The following SRCIN1 variants were observed in gnomAD, a reference collection of about 807,000 sequenced individuals.
SRCIN1 encodes the protein P130Cas-associated protein.
A neutral mutation model predicts 116.2 loss-of-function variants in SRCIN1; 50 were observed. The ratio of observed to expected loss-of-function variants is 0.43; its 90% confidence interval spans 0.34 to 0.54. The LOEUF (loss-of-function observed/expected upper bound fraction) is 0.54, where lower values mean the gene tolerates loss of function less well. Among genes scored for constraint, SRCIN1 ranks in the 20% least tolerant of loss-of-function variants. The pLI is 0.02. For synonymous variants in SRCIN1, 736 were observed against 750.0 expected (o/e 0.98, Z 0.30); for missense variants, 1,446 against 1,672.0 (o/e 0.86, Z 2.36).
rs372087560 is a variant in SRCIN1, at chr17:38,578,655, G to A, written c.159C>T (p.Ser53=). The change falls in exon 2 of 19, where the codon TCC becomes TCT. Residue 53 remains serine, a synonymous_variant. Coordinates refer to ENST00000617146, the MANE Select transcript of SRCIN1 (RefSeq NM_025248.3). ...CCGCGATCACCGTGTGCCGCCGCTC[G>A]GACGTGTGCACCAGCCCCACGTTGG... The part of the protein sequence containing the change: ...RFSNVGLVHT[S]ERRHTVIAAQ... 3 of 1,583,560 alleles carry A rather than the reference G, an allele frequency of 1.9e-6. No individual in the cohort carries two copies. The highest frequency in any genetic ancestry group is 2.6e-6 in the Non-Finnish European group (3 of 1,166,228).
rs921191457 is a variant in SRCIN1 at position 38,561,710 on chromosome 17, G to A, written c.1453C>T (p.Pro485Ser). 6.5e-7 allele frequency: 1 copy of A among 1,537,204 alleles called. No individual in the cohort carries two copies. Residue 485 changes from proline (P) to serine (S), a missense_variant, in exon 7 of 19, where the codon CCC becomes TCC. By Grantham distance (74) the Pro-to-Ser change is moderately conservative (BLOSUM62 -1). Coordinates refer to ENST00000617146, the MANE Select transcript of SRCIN1 (RefSeq NM_025248.3). ...CTGTGCGGTGGCGGGGGACCTCCGG[G>A]GGGTGCTGCCACGTCGGCCAGCTTC... ...PQKLADVAAP[P>S]GGPPPPHSPY...
At chr17:38,580,906 G>A (rs1444291873) in intron 1 of SRCIN1, among the ~76,000 whole-genome samples, 4 of 152,162 alleles carry the variant, frequency 2.6e-5, no homozygotes, top group Non-Finnish European at 5.9e-5. Flanking sequence ...TGTGATCATA[G>A]CTCACTGCAG....
chr17:38,578,392 G>C (rs994001973), intron 2 of SRCIN1, 98 bp downstream of exon 2: 14 of 1,386,466 alleles, frequency 1.0e-5, no homozygotes, highest in Middle Eastern at 4.8e-4. Flanking sequence ...GCCTCCCAGA[G>C]TTGGAATGAG....
In SRCIN1 at chr17:38,602,269, T is replaced by C. The variant is rs1239001968; in HGVS notation, c.22+3415A>G. ...CCAAATCCGAAGCCTTCATCTCCGC[T>C]ACTCAGAGCTTGGAATGAAAGAAGG... On this transcript the variant is annotated intron_variant, in intron 1 of 18. Transcript: ENST00000617146. This position sits in a 1 kb window ranked among gnomAD's most constrained non-coding sequence, Gnocchi z 4.2. The C allele has an allele frequency of 6.6e-6, 1 of 152,182 alleles. No individual in the cohort carries two copies. The highest frequency in any genetic ancestry group is 1.5e-5 in the Non-Finnish European group (1 of 68,044). 9.4% of individuals were successfully genotyped at this position (152,182 alleles called of 1,614,324 possible). A position where few individuals can be genotyped will look rare whatever the true frequency, so the allele number is the denominator to read the frequency against.
At position 38,583,554 on chromosome 17, in the gene SRCIN1, T is replaced by TG. The variant is rs200882616; in HGVS notation, c.23-4764_23-4763insC. Among the ~76,000 whole-genome samples, 119 of 85,426 alleles carry TG rather than the reference T, an allele frequency of 1.4e-3. 1 individual carries two copies. The highest frequency in any genetic ancestry group is 6.5e-3 in the African/African-American group (76 of 11,700). The allele number at this position is 85,426 out of a possible 152,430, so 56.0% of individuals were successfully genotyped here. A position where few individuals can be genotyped will look rare whatever the true frequency, so the allele number is the denominator to read the frequency against. On this transcript the variant is annotated intron_variant, in intron 1 of 18. Transcript: ENST00000617146. ...TTTCTTTTTTTCATTTTCTGTTTTT[T>TG]TTTTTTTTTTTTTTTTGAGACAGAG...
Position 38,562,936 on chromosome 17 carries a change from A to C in SRCIN1, c.741-16T>G. ...CTGGATGTCCCTGGGAGAGGCGGGG[A>C]GACGGGGGTCACCACCCATCCCCCA... On this transcript the variant is annotated splice_polypyrimidine_tract_variant and intron_variant, in intron 5 of 18. Transcript: ENST00000617146. The surrounding 1 kb of genome is among the most constrained non-coding windows in gnomAD (Gnocchi z 4.2). The C allele has an allele frequency of 2.5e-6, 4 of 1,596,682 alleles. No individual in the cohort carries two copies. The highest frequency in any genetic ancestry group is 3.4e-6 in the Non-Finnish European group (4 of 1,167,398).
chr17:38,547,499 G>T (rs992966418), intron 17 of SRCIN1, among the ~76,000 whole-genome samples: 5 of 152,138 alleles, frequency 3.3e-5, no homozygotes, highest in African/African-American at 1.2e-4. Flanking sequence ...AGAAAATGCA[G>T]ACACAAGGGG....
At position 38,605,736 on chromosome 17, in the gene SRCIN1, G is replaced by C; in HGVS notation, c.-31C>G. ...GGGGGCGCGGGGGGCGGGGGCCCCGGGCCGGCCTGCCTGGCGCTCGCCCTC... is the reference window on the plus strand; with the variant it reads ...GGGGGCGCGGGGGGCGGGGGCCCCGCGCCGGCCTGCCTGGCGCTCGCCCTC... On this transcript the variant is annotated 5_prime_UTR_variant, in exon 1 of 19. Coordinates refer to ENST00000617146, the MANE Select transcript of SRCIN1 (RefSeq NM_025248.3). 1 of 1,124,054 alleles carries C rather than the reference G, an allele frequency of 8.9e-7. No individual in the cohort carries two copies. Among genetic ancestry groups the C allele is most frequent in the Non-Finnish European group, 1.1e-6 (1 of 904,228 alleles). 69.6% of individuals were successfully genotyped at this position (1,124,054 alleles called of 1,614,324 possible).
Position 38,572,459 on chromosome 17 carries a change from T to G in SRCIN1, c.325-4228A>C, listed in dbSNP as rs892249747. Among the ~76,000 whole-genome samples, 1 of 151,956 alleles carries G rather than the reference T, an allele frequency of 6.6e-6. No homozygotes were observed. Among genetic ancestry groups the G allele is most frequent in the Non-Finnish European group, 1.5e-5 (1 of 67,972 alleles). On this transcript the variant is annotated intron_variant, in intron 2 of 18. Coordinates refer to ENST00000617146, the MANE Select transcript of SRCIN1 (RefSeq NM_025248.3). This position sits in a 1 kb window ranked among gnomAD's most constrained non-coding sequence, Gnocchi z 4.3. ...TGGGGGAGGGGGCGCCAGCCTGATTTTGGAGTGGGGGCCGGCCCACGCCGA... is the reference window on the plus strand; with the variant it reads ...TGGGGGAGGGGGCGCCAGCCTGATTGTGGAGTGGGGGCCGGCCCACGCCGA...
At chr17:38,548,815 TCTG>T in intron 16 of SRCIN1, 106 bp from the exon 17 acceptor site, 1 of 1,412,812 alleles carries the variant, frequency 7.1e-7, no homozygotes, top group Non-Finnish European at 9.3e-7. Flanking sequence ...GTCTGCTACT[TCTG>T]CTGCTACACC....
At chr17:38,543,721 G>C (rs529509449) in intron 18 of SRCIN1, 102 bp downstream of exon 18, 215 of 1,477,188 alleles carry the variant, frequency 1.5e-4, no homozygotes, top group Non-Finnish European at 1.7e-4. Context: ...GAAGAGGTTG[G>C]GAAAGCTGGT....
intron 1 of SRCIN1, among the ~76,000 whole-genome samples, chr17:38,586,683 C>T (rs1033470742): frequency 1.5e-4 from 23 of 152,198 alleles, no homozygotes; most frequent in African/African-American, 4.8e-5. Context: ...GATGATGGAG[C>T]CCTGGAGGGA....
At chr17:38,554,022 C>G (rs1220914638) in intron 11 of SRCIN1, among the ~76,000 whole-genome samples, 1 of 152,144 alleles carries the variant, frequency 6.6e-6, no homozygotes, top group Non-Finnish European at 1.5e-5. Context: ...GACCAACTGG[C>G]CAATATGGCG....
At chr17:38,547,850 G>A in intron 17 of SRCIN1, 2 of 208,808 alleles carry the variant, frequency 9.6e-6, no homozygotes, top group Non-Finnish European at 2.0e-5. Flanking sequence ...GGGCGTGGGG[G>A]GGAGGGAAGA....
chr17:38,591,118 C>T (rs949406128), intron 1 of SRCIN1, among the ~76,000 whole-genome samples: 5 of 152,204 alleles, frequency 3.3e-5, no homozygotes, highest in East Asian at 3.9e-4. Context: ...ATGCTGGATA[C>T]GAAGCCCTCC....
intron 17 of SRCIN1, 41 bp downstream of exon 17, chr17:38,548,516 G>C (rs1228058192): frequency 6.2e-7 from 1 of 1,602,212 alleles, no homozygotes; most frequent in Admixed American, 1.7e-5. Context: ...AGGGAAGGGG[G>C]CCTGGCTGAG....
In SRCIN1 at chr17:38,549,126, G is replaced by A; in HGVS notation, c.3047C>T (p.Ser1016Phe). The change falls in exon 16 of 19, where the codon TCC becomes TTC. Residue 1016 changes from serine to phenylalanine, a missense_variant. Ser to Phe is a radical substitution (Grantham distance 155, BLOSUM62 -2). Around this residue, in one of 5 missense-constraint regions of SRCIN1, gnomAD observed 531 missense variants for 633.9 expected, o/e 0.84. Transcript: ENST00000617146. ...GGTACGTGTGGTGGTCAGGCCATGG[G>A]AGGAGGGGAAGCTCCGGCGGGGAGG... is the stretch of plus-strand genomic sequence containing the variant. ...PPPPRRSFPS[S>F]HGLTTTRTGE... The A allele has an allele frequency of 6.2e-7, 1 of 1,608,500 alleles. No homozygotes were observed. Among genetic ancestry groups the A allele is most frequent in the South Asian group, 1.1e-5 (1 of 90,676 alleles).
In SRCIN1 at chr17:38,531,386, TTTTC is replaced by T. The variant is rs1047707844; in HGVS notation, c.*1907_*1910del. 4.5e-5 allele frequency: 6 copies of T among 134,132 alleles called. No individual in the cohort carries two copies. The highest frequency in any genetic ancestry group is 6.5e-5 in the Non-Finnish European group (4 of 61,882). 8.3% of individuals were successfully genotyped at this position (134,132 alleles called of 1,614,324 possible). On this transcript the variant is annotated 3_prime_UTR_variant, in exon 19 of 19. Coordinates refer to ENST00000617146, the MANE Select transcript of SRCIN1 (RefSeq NM_025248.3). ...ACAGTGGCCAGGGAGAGTGCCGTGG[TTTTC>T]TTTTTTTTTTCTTTTTTAAATATTT...
chr17:38,563,441 C>A lies in SRCIN1; in HGVS notation c.622G>T (p.Ala208Ser), dbSNP rs747049406. Residue 208 changes from alanine to serine, a missense_variant, in exon 5 of 19, where the codon GCA becomes TCA. Coordinates refer to ENST00000617146, the MANE Select transcript of SRCIN1 (RefSeq NM_025248.3). This position sits in a 1 kb window ranked among gnomAD's most constrained non-coding sequence, Gnocchi z 5.8. Reference protein sequence around the residue: ...HEVSSLDTLHALIAHMFPQKL... With the variant: ...HEVSSLDTLHSLIAHMFPQKL... The stretch of plus-strand genomic sequence containing the variant: ...TGCGGGAACATGTGCGCGATGAGTG[C>A]GTGCAGCGTGTCCAGGCTGCTGACC... 24 of 1,562,106 alleles carry A rather than the reference C, an allele frequency of 1.5e-5. No homozygotes were observed. The East Asian group carries it at 4.8e-4, about 31-fold the overall frequency.
Sources: gnomAD v4.1 joint callset for allele counts (sites outside exome capture counted in the v4.1 genomes callset) on GRCh38, gnomAD v4.1.1 for gene constraint, gnomAD v4.1.1 regional missense constraint, Gnocchi (gnomAD v3.1) non-coding constraint, MANE v1.5 for transcripts, NCBI Gene and HGNC (gene_info 2026-07-23, HGNC 2026-07-21) for gene names.